The following ACTN4 variants were observed in gnomAD, a reference collection of about 807,000 sequenced individuals.
The protein encoded by ACTN4 is alpha-actinin-4.
Under a neutral mutation model 114.2 loss-of-function variants are expected in ACTN4, and 18 were observed. The ratio of observed to expected loss-of-function variants is 0.16; its 90% CI spans 0.11 to 0.23. ACTN4 has a LOEUF of 0.23. ACTN4 is among the 10% of genes least tolerant of loss of function. The probability of loss-of-function intolerance (pLI) is 1.00; values close to 1 mark genes in which losing one functional copy is unlikely to be tolerated. For missense variants in ACTN4, 722 were observed against 1,262.9 expected (o/e 0.57, Z 6.49); for synonymous variants, 515 against 506.3 (o/e 1.02, Z -0.23).
chr19:38,730,824 GAGC>G lies in ACTN4; in HGVS notation c.*1398_*1400del. The stretch of plus-strand genomic sequence containing the variant: ...TGGTCTTGCTCAGCAACCCTGCCCT[GAGC>G]AGCAGGTGCGCCCATCCGGAGATCC... On this transcript the variant is annotated 3_prime_UTR_variant, in exon 21 of 21. Coordinates refer to ENST00000252699, the MANE Select transcript of ACTN4 (RefSeq NM_004924.6). 6.4e-7 allele frequency: 1 copy of G among 1,550,510 alleles called. No individual in the cohort carries two copies. Among genetic ancestry groups the G allele is most frequent in the Non-Finnish European group, 8.7e-7 (1 of 1,147,034 alleles).
chr19:38,707,315 C>G (rs1337946769), intron 5 of ACTN4, among the ~76,000 whole-genome samples: 1 of 151,998 alleles, frequency 6.6e-6, no homozygotes, highest in Non-Finnish European at 1.5e-5. Context: ...AAACAAAGTT[C>G]CCATTTGTGG....
intron 12 of ACTN4, 74 bp from the exon 13 acceptor site, chr19:38,723,540 T>G: frequency 1.7e-6 from 2 of 1,151,230 alleles, no homozygotes; most frequent in South Asian, 2.6e-5. Context: ...CCTGGGAACC[T>G]TGGGGGTAGA....
intron 1 of ACTN4, 104 bp from the exon 2 acceptor site, chr19:38,700,496 A>G (rs1360647834): frequency 1.1e-6 from 1 of 908,256 alleles, no homozygotes; most frequent in East Asian, 2.4e-5. Flanking sequence ...GCTCCGTGGC[A>G]GCTGCGGTTC....
chr19:38,726,485 C>T (rs536907748), intron 17 of ACTN4, among the ~76,000 whole-genome samples: 9 of 152,272 alleles, frequency 5.9e-5, no homozygotes, highest in South Asian at 2.1e-4. Context: ...AGCCAGCCAG[C>T]GGGTGCCGGG....
rs761837588 is a variant in ACTN4, at chr19:38,729,612, G to C, written c.*180G>C. The C allele has an allele frequency of 5.3e-6, 5 of 942,078 alleles. No individual in the cohort carries two copies. Among genetic ancestry groups the C allele is most frequent in the Non-Finnish European group, 8.3e-6 (5 of 604,928 alleles). 58.4% of individuals were successfully genotyped at this position (942,078 alleles called of 1,614,324 possible). A position where few individuals can be genotyped will look rare whatever the true frequency, so the allele number is the denominator to read the frequency against. On this transcript the variant is annotated 3_prime_UTR_variant, in exon 21 of 21. Transcript: ENST00000252699. ...CCTCTCTCTCTTTGTGGGTTGGCCA[G>C]GAGGTTCCCCCGACCAGGTTGGGGA... is the stretch of plus-strand genomic sequence containing the variant.
intron 1 of ACTN4, among the ~76,000 whole-genome samples, chr19:38,653,252 C>T (rs568877114): frequency 6.6e-6 from 1 of 152,184 alleles, no homozygotes; most frequent in Non-Finnish European, 1.5e-5. Flanking sequence ...AAGTTATCTG[C>T]CAGTGCTAGT....
intron 1 of ACTN4, among the ~76,000 whole-genome samples, chr19:38,657,807 G>A (rs763360080): frequency 1.3e-5 from 2 of 152,190 alleles, no homozygotes; most frequent in Non-Finnish European, 1.5e-5. Context: ...TCTACAGCCT[G>A]CCTTAGCAAA....
chr19:38,673,529 ATATATACTT>A (rs1568689719), intron 1 of ACTN4, among the ~76,000 whole-genome samples: 18 of 112,212 alleles, frequency 1.6e-4, no homozygotes, highest in African/African-American at 2.9e-4. Context: ...ATATATATTC[ATATATACTT>A]ATATATATTT....
chr19:38,685,432 C>T (rs1432557958), intron 1 of ACTN4, among the ~76,000 whole-genome samples: 2 of 152,168 alleles, frequency 1.3e-5, no homozygotes, highest in Non-Finnish European at 2.9e-5. Flanking sequence ...ATTCATTCAC[C>T]CCCTCATCCA....
chr19:38,647,654 A>C lies in ACTN4; in HGVS notation c.-92A>C, dbSNP rs748587243. On this transcript the variant is annotated 5_prime_UTR_variant, in exon 1 of 21. Coordinates refer to ENST00000252699, the MANE Select transcript of ACTN4 (RefSeq NM_004924.6). ...GCGCGGGCGGAGGGCGGGCTGAAGC[A>C]GCTGAAGCGGCGGTAGCGGCGGCGG... 16 of 1,455,492 alleles carry C rather than the reference A, an allele frequency of 1.1e-5. No individual in the cohort carries two copies. Among genetic ancestry groups the C allele is most frequent in the African/African-American group, 4.5e-5 (3 of 67,398 alleles). 90.2% of individuals were successfully genotyped at this position (1,455,492 alleles called of 1,614,324 possible).
chr19:38,663,136 G>A (rs1976938744), intron 1 of ACTN4, among the ~76,000 whole-genome samples: 1 of 152,040 alleles, frequency 6.6e-6, no homozygotes, highest in Non-Finnish European at 1.5e-5. Context: ...GTTGTGAACT[G>A]CTGACCTCAG....
chr19:38,731,089 T>C lies in ACTN4; in HGVS notation c.*1657T>C, dbSNP rs1969559400. The C allele has an allele frequency of 1.3e-6, 2 of 1,522,540 alleles. No homozygotes were observed. The highest frequency in any genetic ancestry group is 2.3e-5 in the East Asian group (1 of 43,888). The allele number at this position is 1,522,540 out of a possible 1,614,324, so 94.3% of individuals were successfully genotyped here. A position where few individuals can be genotyped will look rare whatever the true frequency, so the allele number is the denominator to read the frequency against. ...TACCCCTTCCCCCCATGCCCCACCA[T>C]GCCGGGGTGGTACTCACAGAAGATG... On this transcript the variant is annotated 3_prime_UTR_variant, in exon 21 of 21. Coordinates refer to ENST00000252699, the MANE Select transcript of ACTN4 (RefSeq NM_004924.6).
intron 1 of ACTN4, among the ~76,000 whole-genome samples, chr19:38,680,890 C>T (rs1419318986): frequency 6.6e-6 from 1 of 152,062 alleles, no homozygotes; most frequent in African/African-American, 2.4e-5. Flanking sequence ...CTTTGGGAGG[C>T]CAAGGCGGGT....
chr19:38,649,050 G>C (rs905760277), intron 1 of ACTN4, among the ~76,000 whole-genome samples: 3 of 151,658 alleles, frequency 2.0e-5, no homozygotes, highest in Admixed American at 1.3e-4. Flanking sequence ...TGTGTGTGTC[G>C]TGCAGGCAGA....
chr19:38,690,285 C>G (rs1009108763), intron 1 of ACTN4, among the ~76,000 whole-genome samples: 4 of 152,218 alleles, frequency 2.6e-5, no homozygotes, highest in Non-Finnish European at 4.4e-5. Context: ...TGCTGTTCAC[C>G]GCCATCACAG....
chr19:38,690,837 A>C (rs1967900190), intron 1 of ACTN4, among the ~76,000 whole-genome samples: 1 of 152,236 alleles, frequency 6.6e-6, no homozygotes, highest in African/African-American at 2.4e-5. Flanking sequence ...ATGTTATGTG[A>C]ATTACATTTC....
intron 8 of ACTN4, among the ~76,000 whole-genome samples, chr19:38,712,625 C>T (rs914141862): frequency 1.3e-5 from 2 of 151,922 alleles, no homozygotes; most frequent in South Asian, 2.1e-4. Flanking sequence ...CTAGAGGGCA[C>T]GGGCCAGGAG....
chr19:38,691,731 C>T (rs993868296), intron 1 of ACTN4, among the ~76,000 whole-genome samples: 1 of 152,074 alleles, frequency 6.6e-6, no homozygotes, highest in Admixed American at 6.5e-5. Context: ...GGCAGAAACC[C>T]GTCTCTACTG....
At chr19:38,690,375 T>C (rs1967884952) in intron 1 of ACTN4, among the ~76,000 whole-genome samples, 1 of 152,244 alleles carries the variant, frequency 6.6e-6, no homozygotes, top group South Asian at 2.1e-4. Context: ...CCATTGCTGC[T>C]CATTCGGGCT....
Sources: gnomAD v4.1 joint callset for allele counts (sites outside exome capture counted in the v4.1 genomes callset) on GRCh38, gnomAD v4.1.1 for gene constraint, MANE v1.5 for transcripts, NCBI Gene and HGNC (gene_info 2026-07-23, HGNC 2026-07-21) for gene names.